ARHGAP17: variants seen among roughly 807,000 people sequenced by gnomAD.
ARHGAP17 encodes rho GTPase-activating protein 17.
In ARHGAP17, 57 loss-of-function variants were observed where a neutral mutation model predicts 99.5. That is an observed-to-expected ratio of 0.57 (90% CI 0.46 to 0.71). The LOEUF is 0.71. Among genes scored for constraint, ARHGAP17 ranks in the 30% least tolerant of loss-of-function variants. The probability of loss-of-function intolerance (pLI) is 0.00; values close to 1 mark genes in which losing one functional copy is unlikely to be tolerated. For missense variants in ARHGAP17, 1,000 were observed against 1,122.4 expected, an observed-to-expected ratio of 0.89 and a Z score of 1.56; for synonymous variants, 417 against 429.6, an observed-to-expected ratio of 0.97 and a Z score of 0.36.
chr16:25,001,457 G>A (rs1460655950), intron 1 of ARHGAP17, among the ~76,000 whole-genome samples: 1 of 152,144 alleles, frequency 6.6e-6, no homozygotes, highest in African/African-American at 2.4e-5. Context: ...TTGAATAAAT[G>A]AGTCCCAACT....
At chr16:24,995,312 T>C (rs1472032164) in intron 1 of ARHGAP17, among the ~76,000 whole-genome samples, 3 of 152,108 alleles carry the variant, frequency 2.0e-5, no homozygotes, top group Non-Finnish European at 4.4e-5. Flanking sequence ...GTTACAGACA[T>C]GACAGGAGGG....
At chr16:24,922,547 T>C (rs2050744011) in intron 19 of ARHGAP17, among the ~76,000 whole-genome samples, 1 of 152,196 alleles carries the variant, frequency 6.6e-6, no homozygotes, top group South Asian at 2.1e-4. Flanking sequence ...AGCCCCTCTC[T>C]ATTCCTACAT....
intron 19 of ARHGAP17, among the ~76,000 whole-genome samples, chr16:24,925,481 T>G (rs1350288450): frequency 6.6e-6 from 1 of 152,226 alleles, no homozygotes; most frequent in Non-Finnish European, 1.5e-5. Context: ...CAGGAACTGA[T>G]GATTTCTCGT....
intron 1 of ARHGAP17, among the ~76,000 whole-genome samples, chr16:25,006,760 G>A (rs944020346): frequency 3.3e-5 from 5 of 152,198 alleles, no homozygotes; most frequent in Non-Finnish European, 7.3e-5. Context: ...CCAAAGTCTC[G>A]TGACTCACAG....
At chr16:24,978,702 C>A (rs75661169) in intron 2 of ARHGAP17, among the ~76,000 whole-genome samples, 4 of 152,084 alleles carry the variant, frequency 2.6e-5, no homozygotes, top group African/African-American at 7.2e-5. Flanking sequence ...GAAACTGAGG[C>A]GCAGGGAAGT....
intron 4 of ARHGAP17, among the ~76,000 whole-genome samples, chr16:24,969,692 T>C (rs1265772972): frequency 6.6e-6 from 1 of 152,166 alleles, no homozygotes; most frequent in Non-Finnish European, 1.5e-5. Flanking sequence ...CCATAGCATG[T>C]GGAAGCACAA....
At chr16:24,961,909 T>C (rs1267513296) in intron 7 of ARHGAP17, among the ~76,000 whole-genome samples, 2 of 75,192 alleles carry the variant, frequency 2.7e-5, no homozygotes, top group Non-Finnish European at 2.5e-5. Context: ...TACATAGGAA[T>C]TTTATATATA....
intron 1 of ARHGAP17, among the ~76,000 whole-genome samples, chr16:25,009,981 A>G (rs1252195409): frequency 6.6e-6 from 1 of 152,126 alleles, no homozygotes; most frequent in African/African-American, 2.4e-5. Flanking sequence ...ACTCAAAAGC[A>G]CTTGGGAACC....
chr16:24,949,597 C>T (rs1410499875), intron 12 of ARHGAP17, 113 bp from the exon 13 acceptor site: 5 of 815,380 alleles, frequency 6.1e-6, no homozygotes, highest in Non-Finnish European at 9.7e-6. Flanking sequence ...AGTTGGAAAA[C>T]AGCCCATGCT....
intron 7 of ARHGAP17, among the ~76,000 whole-genome samples, chr16:24,963,011 C>T (rs2052056475): frequency 6.6e-6 from 1 of 152,170 alleles, no homozygotes; most frequent in Admixed American, 6.5e-5. Context: ...ACTTGAAATA[C>T]TGACAAGTGT....
At chr16:24,979,883 G>A (rs1179366318) in intron 1 of ARHGAP17, among the ~76,000 whole-genome samples, 5 of 152,096 alleles carry the variant, frequency 3.3e-5, no homozygotes, top group African/African-American at 1.2e-4. Context: ...GCTAATTTTT[G>A]TATTTTTAGA....
Position 24,949,312 on chromosome 16 carries a change from T to C in ARHGAP17, c.1127+92A>G, listed in dbSNP as rs1368730440. The C allele has an allele frequency of 1.8e-5, 18 of 980,742 alleles. 1 individual carries two copies. The highest frequency in any genetic ancestry group is 4.5e-4 in the Middle Eastern group (2 of 4,480). 60.8% of individuals were successfully genotyped at this position (980,742 alleles called of 1,614,324 possible). The stretch of plus-strand genomic sequence containing the variant: ...TTTTTTTGTTGTTGTTGTTGTTTTT[T>C]AATGTGCCAAGTATGCCTGAATTAA... On this transcript the variant is annotated intron_variant, in intron 13 of 19. Coordinates refer to ENST00000289968, the MANE Select transcript of ARHGAP17 (RefSeq NM_001006634.3).
intron 1 of ARHGAP17, among the ~76,000 whole-genome samples, chr16:25,014,330 C>T (rs138204320): frequency 6.6e-6 from 1 of 152,254 alleles, no homozygotes; most frequent in East Asian, 1.9e-4. Context: ...GAAATATTAG[C>T]CCCAGATAAT....
chr16:24,935,697 A>G, intron 17 of ARHGAP17, 58 bp from the exon 18 acceptor site: 1 of 1,541,502 alleles, frequency 6.5e-7, no homozygotes, highest in Non-Finnish European at 8.9e-7. Flanking sequence ...AAATCTGAAC[A>G]TACTGCACAT....
At chr16:24,946,825 C>T (rs1288347096) in intron 14 of ARHGAP17, among the ~76,000 whole-genome samples, 12 of 152,216 alleles carry the variant, frequency 7.9e-5, no homozygotes, top group African/African-American at 9.6e-5. Flanking sequence ...TGTCTGGTCA[C>T]GTTTTCACAA....
At chr16:25,004,035 A>C (rs1185941034) in intron 1 of ARHGAP17, among the ~76,000 whole-genome samples, 1 of 152,210 alleles carries the variant, frequency 6.6e-6, no homozygotes, top group Non-Finnish European at 1.5e-5. Context: ...TACAAACAAA[A>C]AAAAAATATT....
intron 3 of ARHGAP17, among the ~76,000 whole-genome samples, chr16:24,975,115 T>TAC (rs1191645468): frequency 1.3e-5 from 2 of 152,196 alleles, no homozygotes; most frequent in Non-Finnish European, 2.9e-5. Context: ...ATCGTGCCAC[T>TAC]ACACTCCAGC....
intron 1 of ARHGAP17, among the ~76,000 whole-genome samples, chr16:25,005,785 C>A (rs867324702): frequency 6.6e-6 from 1 of 152,092 alleles, no homozygotes; most frequent in Non-Finnish European, 1.5e-5. Context: ...AAATAGATAA[C>A]AAATTTTTTA....
Position 25,015,316 on chromosome 16 carries a change from G to T in ARHGAP17, c.-55C>A. 1 of 1,260,702 alleles carries T rather than the reference G, an allele frequency of 7.9e-7. No individual in the cohort carries two copies. The highest frequency in any genetic ancestry group is 2.9e-5 in the South Asian group (1 of 34,840). 78.1% of individuals were successfully genotyped at this position (1,260,702 alleles called of 1,614,324 possible). A position where few individuals can be genotyped will look rare whatever the true frequency, so the allele number is the denominator to read the frequency against. ...CTCGGGCCGGGCAGGGCGGGGGACA[G>T]CCTGGCAGCTACTACATCGCTTCCC... is the stretch of plus-strand genomic sequence containing the variant. On this transcript the variant is annotated 5_prime_UTR_variant, in exon 1 of 20. The change creates a new upstream start codon in the 5' untranslated region. Transcript: ENST00000289968.
Sources: gnomAD v4.1 joint callset for allele counts (sites outside exome capture counted in the v4.1 genomes callset) on GRCh38, gnomAD v4.1.1 for gene constraint, MANE v1.5 for transcripts, NCBI Gene and HGNC (gene_info 2026-07-23, HGNC 2026-07-21) for gene names.